Variants in COL22A1 observed in about 807,000 individuals in gnomAD.
The protein encoded by COL22A1 is collagen alpha-1(XXII) chain.
COL22A1 carries 221 observed loss-of-function variants against 248.9 expected under a neutral mutation model. The observed-to-expected ratio is 0.89, with a 90% CI of 0.80 to 0.99. The LOEUF is 0.99. Among genes scored for constraint, COL22A1 ranks in the 50% least tolerant of loss-of-function variants. The pLI, the probability that COL22A1 is intolerant of heterozygous loss-of-function variation, is 0.00. For synonymous variants in COL22A1, 891 were observed against 793.4 expected (o/e 1.12, Z -2.07); for missense variants, 2,240 against 2,179.0 (o/e 1.03, Z -0.56).
At chr8:138,845,516 A>AAAGT (rs1554644365) in intron 3 of COL22A1, among the ~76,000 whole-genome samples, 6 of 147,502 alleles carry the variant, frequency 4.1e-5, no homozygotes, top group South Asian at 4.4e-4. Context: ...CTCCACCTCA[A>AAAGT]AAATAAATAA....
At chr8:138,899,041 G>T (rs1814340930) in intron 1 of COL22A1, among the ~76,000 whole-genome samples, 1 of 152,210 alleles carries the variant, frequency 6.6e-6, no homozygotes, top group African/African-American at 2.4e-5. Flanking sequence ...ATGCAAGGAT[G>T]AATTAGAAAT....
chr8:138,668,655 G>A (rs1824724767), intron 41 of COL22A1, among the ~76,000 whole-genome samples: 1 of 152,200 alleles, frequency 6.6e-6, no homozygotes, highest in African/African-American at 2.4e-5. Context: ...TGAAAATAAA[G>A]TGAACTTTTA....
chr8:138,660,122 G>T (rs1823678998), intron 44 of COL22A1, among the ~76,000 whole-genome samples: 1 of 152,210 alleles, frequency 6.6e-6, no homozygotes, highest in African/African-American at 2.4e-5. Context: ...ACTGGAGGGT[G>T]GGAGACATCC....
intron 57 of COL22A1, among the ~76,000 whole-genome samples, chr8:138,606,898 C>G (rs1474481212): frequency 6.6e-6 from 1 of 152,126 alleles, no homozygotes; most frequent in African/African-American, 2.4e-5. Flanking sequence ...GTCAGTACTT[C>G]CAGGATCAAC....
chr8:138,685,298 T>C lies in COL22A1; in HGVS notation c.2877A>G (p.Glu959=). The C allele has an allele frequency of 6.2e-7, 1 of 1,613,816 alleles. No homozygotes were observed. Among genetic ancestry groups the C allele is most frequent in the South Asian group, 1.1e-5 (1 of 91,044 alleles). The change falls in exon 38 of 65, where the codon GAA becomes GAG. Residue 959 remains glutamate (E), a synonymous_variant. Coordinates refer to ENST00000303045, the MANE Select transcript of COL22A1 (RefSeq NM_152888.3). Reference sequence around the variant, plus strand: ...GACCAACTGGCCCTGGGCTGCCTTCTTCCCCCGCTGCACCCTGGAAAGAAA... The same window carrying C: ...GACCAACTGGCCCTGGGCTGCCTTCCTCCCCCGCTGCACCCTGGAAAGAAA... ...GERGEKGAAG[E]EGSPGPVGPR...
At chr8:138,627,544 G>C (rs10094272) in intron 50 of COL22A1, among the ~76,000 whole-genome samples, 109,760 of 152,136 alleles carry the variant, frequency 0.72, 42,256 homozygotes, top group Middle Eastern at 0.86. Flanking sequence ...CCTCTGACTC[G>C]CCGTTCAGTC....
chr8:138,715,589 AAAAG>A, intron 30 of COL22A1, 89 bp downstream of exon 30: 3 of 789,360 alleles, frequency 3.8e-6, no homozygotes, highest in Admixed American at 2.7e-5. Flanking sequence ...AAAAAAAAAA[AAAAG>A]ATAGAGTATA....
intron 60 of COL22A1, among the ~76,000 whole-genome samples, chr8:138,599,612 C>T (rs6981391): frequency 0.11 from 17,061 of 152,100 alleles, 1,411 homozygotes; most frequent in African/African-American, 0.23. Flanking sequence ...ATAGTCCCAG[C>T]TACTTGGAAG....
At position 138,606,433 on chromosome 8, in the gene COL22A1, C is replaced by T; in HGVS notation, c.4052G>A (p.Gly1351Glu). The T allele has an allele frequency of 6.2e-7, 1 of 1,613,722 alleles. No homozygotes were observed. Residue 1351 changes from glycine (G) to glutamate (E), a missense_variant, in exon 58 of 65, where the codon GGG becomes GAG. By Grantham distance (98) the Gly-to-Glu change is moderately conservative. Transcript: ENST00000303045. ...AGGAAGTCCTGGGCTGCCATTTTCCCCTTTGCTTCCTTTCTGGCCCTGCAA... is the reference window on the plus strand; with the variant it reads ...AGGAAGTCCTGGGCTGCCATTTTCCTCTTTGCTTCCTTTCTGGCCCTGCAA... The part of the protein sequence containing the change: ...SGTPGQKGSK[G>E]ENGSPGLPGF...
chr8:138,805,546 TATGTGTGATGGTGTGTTATG>T lies in COL22A1; in HGVS notation c.1494+2202_1494+2221del, dbSNP rs1817487549. ...ATGTGTGATGGCATGTGTGTGATGG[TATGTGTGATGGTGTGTTATG>T]GTGTGTGTCTATGTGTGATGGTATG... On this transcript the variant is annotated intron_variant, in intron 10 of 64. Transcript: ENST00000303045. 3.6e-3 allele frequency among the ~76,000 whole-genome samples: 514 copies of T among 141,936 alleles called. 1 individual carries two copies. Among genetic ancestry groups the T allele is most frequent in the African/African-American group, 0.014 (490 of 35,948 alleles). 93.1% of individuals were successfully genotyped at this position (141,936 alleles called of 152,430 possible). A position where few individuals can be genotyped will look rare whatever the true frequency, so the allele number is the denominator to read the frequency against.
chr8:138,870,875 G>A (rs1373684284), intron 3 of COL22A1, among the ~76,000 whole-genome samples: 1 of 151,732 alleles, frequency 6.6e-6, no homozygotes, highest in Non-Finnish European at 1.5e-5. Flanking sequence ...AGGGGTGTCT[G>A]TGTGCATGTG....
chr8:138,823,534 TA>T (rs2131769472), intron 6 of COL22A1, among the ~76,000 whole-genome samples: 1 of 152,216 alleles, frequency 6.6e-6, no homozygotes, highest in Non-Finnish European at 1.5e-5. Flanking sequence ...GCCTCCCGAG[TA>T]GCTGGGACTA....
chr8:138,863,004 G>A (rs982760590), intron 3 of COL22A1, among the ~76,000 whole-genome samples: 2 of 152,136 alleles, frequency 1.3e-5, no homozygotes, highest in African/African-American at 4.8e-5. Flanking sequence ...GGGACAGAGG[G>A]CAAACACAAG....
At chr8:138,601,153 C>T (rs1817972427) in intron 60 of COL22A1, among the ~76,000 whole-genome samples, 1 of 151,726 alleles carries the variant, frequency 6.6e-6, no homozygotes, top group Admixed American at 6.6e-5. Context: ...GCTCCCACGG[C>T]TGCCTGAGTC....
intron 1 of COL22A1, among the ~76,000 whole-genome samples, chr8:138,908,560 G>A (rs1815199408): frequency 6.6e-6 from 1 of 152,148 alleles, no homozygotes; most frequent in Non-Finnish European, 1.5e-5. Context: ...TCAAGACATA[G>A]GTTTAAATCC....
At chr8:138,758,977 T>C (rs1447496761) in intron 18 of COL22A1, among the ~76,000 whole-genome samples, 2 of 152,178 alleles carry the variant, frequency 1.3e-5, no homozygotes, top group East Asian at 1.9e-4. Flanking sequence ...TCCCTCTTTG[T>C]GACTTGAAAT....
At chr8:138,724,089 C>T (rs1269615935) in intron 25 of COL22A1, among the ~76,000 whole-genome samples, 2 of 152,178 alleles carry the variant, frequency 1.3e-5, no homozygotes, top group Admixed American at 1.3e-4. Context: ...CATCCATCAT[C>T]CTGCCCTAAA....
chr8:138,771,257 A>G (rs1010456127), intron 16 of COL22A1, among the ~76,000 whole-genome samples: 10 of 152,330 alleles, frequency 6.6e-5, no homozygotes, highest in South Asian at 6.2e-4. Flanking sequence ...AAGCTCCCAC[A>G]GCAGGTAGAG....
At chr8:138,735,095 G>C (rs1831006985) in intron 23 of COL22A1, among the ~76,000 whole-genome samples, 1 of 152,168 alleles carries the variant, frequency 6.6e-6, no homozygotes, top group African/African-American at 2.4e-5. Flanking sequence ...ATGACGGGTT[G>C]ATAGGTGCAA....
Sources: gnomAD v4.1 joint callset for allele counts (sites outside exome capture counted in the v4.1 genomes callset) on GRCh38, gnomAD v4.1.1 for gene constraint, MANE v1.5 for transcripts, NCBI Gene and HGNC (gene_info 2026-07-23, HGNC 2026-07-21) for gene names.